COL4A6: variants seen among roughly 807,000 people sequenced by gnomAD.
COL4A6 encodes the protein collagen type IV alpha 6 chain.
Under a neutral mutation model 126.7 loss-of-function variants are expected in COL4A6, and 59 were observed. That is an observed-to-expected ratio of 0.47 (90% CI 0.38 to 0.58). The LOEUF (loss-of-function observed/expected upper bound fraction) is 0.58, where lower values mean the gene tolerates loss of function less well. Among genes scored for constraint, COL4A6 ranks in the 20% least tolerant of loss-of-function variants. The pLI is 0.00. For synonymous variants in COL4A6, 547 were observed against 496.6 expected, an observed-to-expected ratio of 1.10 and a Z score of -1.35; for missense variants, 1,285 against 1,337.3, an observed-to-expected ratio of 0.96 and a Z score of 0.61.
At position 108,193,748 on chromosome X, in the gene COL4A6, C is replaced by G. The variant is rs751664921; in HGVS notation, c.1003-51G>C. On this transcript the variant is annotated intron_variant, in intron 16 of 44. Coordinates refer to ENST00000334504, the MANE Select transcript of COL4A6 (RefSeq NM_033641.4). ...CAAATATTTCCATTTCCTTATTACC[C>G]AAGATCTATGTGCCATTAAAGCCCA... The G allele has an allele frequency of 9.6e-6, 10 of 1,036,531 alleles. No individual in the cohort carries two copies. The East Asian group carries it at 3.1e-4, about 32-fold the overall frequency. 85.4% of individuals were successfully genotyped at this position (1,036,531 alleles called of 1,213,427 possible).
chrX:108,305,192 G>A (rs770587073), intron 3 of COL4A6, among the ~76,000 whole-genome samples: 4 of 112,297 alleles, frequency 3.6e-5, no homozygotes, highest in Non-Finnish European at 5.6e-5. Flanking sequence ...ATAGAAGCAA[G>A]TCAACAGAGA....
chrX:108,381,227 T>C (rs1381164960), intron 2 of COL4A6, among the ~76,000 whole-genome samples: 3 of 111,567 alleles, frequency 2.7e-5, no homozygotes, highest in Non-Finnish European at 3.8e-5. Context: ...CCAAAAGGGA[T>C]AGTCAGGTAA....
At chrX:108,175,855 G>T (rs954385436) in intron 28 of COL4A6, 58 bp from the exon 29 acceptor site, 27 of 1,021,971 alleles carry the variant, frequency 2.6e-5, no homozygotes, top group Non-Finnish European at 3.2e-5. Context: ...GGAAATGGAG[G>T]CTCAGGGAGG....
intron 2 of COL4A6, among the ~76,000 whole-genome samples, chrX:108,419,211 C>T (rs757755419): frequency 8.9e-6 from 1 of 112,081 alleles, no homozygotes; most frequent in Admixed American, 9.5e-5. Context: ...AATTTTAATC[C>T]TGGAACATTG....
At chrX:108,308,820 C>A (rs2038689070) in intron 3 of COL4A6, among the ~76,000 whole-genome samples, 1 of 111,794 alleles carries the variant, frequency 8.9e-6, no homozygotes, top group Non-Finnish European at 1.9e-5. Flanking sequence ...AGTATCTATG[C>A]TAGAGATGTA....
At chrX:108,381,163 C>A (rs1215048884) in intron 2 of COL4A6, among the ~76,000 whole-genome samples, 1 of 111,379 alleles carries the variant, frequency 9.0e-6, no homozygotes, top group Non-Finnish European at 1.9e-5. Flanking sequence ...TTGTCTTAGC[C>A]CCCAATTCCT....
Position 108,188,037 on chromosome X carries a change from A to C in COL4A6, c.1588-10T>G. 1 of 1,179,448 alleles carries C rather than the reference A, an allele frequency of 8.5e-7. No homozygotes were observed. The highest frequency in any genetic ancestry group is 3.0e-5 in the East Asian group (1 of 33,352). ...GAGGCCCAACTAAGCCCTGACAAAG[A>C]AAAGAGAGAAGAGGGAGTAGTCAGA... On this transcript the variant is annotated splice_polypyrimidine_tract_variant and intron_variant, in intron 21 of 44. Coordinates refer to ENST00000334504, the MANE Select transcript of COL4A6 (RefSeq NM_033641.4).
chrX:108,351,791 G>A (rs1320861788), intron 2 of COL4A6, among the ~76,000 whole-genome samples: 6 of 111,150 alleles, frequency 5.4e-5, no homozygotes, highest in East Asian at 5.6e-4. Context: ...AAAAAACATC[G>A]AAGCTGTATC....
At position 108,295,555 on chromosome X, in the gene COL4A6, G is replaced by A. The variant is rs140624615; in HGVS notation, c.144+15193C>T. Among the ~76,000 whole-genome samples the A allele has an allele frequency of 6.0e-3, 680 of 112,568 alleles. 3 individuals are homozygous for A. Among genetic ancestry groups the A allele is most frequent in the Non-Finnish European group, 9.5e-3 (506 of 53,302 alleles). The stretch of plus-strand genomic sequence containing the variant: ...TAATTCCTTTTGAGGTTAATGGTTT[G>A]GGTTTTGTGGATCAAACATTTTTCT... On this transcript the variant is annotated intron_variant, in intron 3 of 44. Transcript: ENST00000334504.
rs752158137 is a variant in COL4A6, at chrX:108,190,396, T to C, written c.1422A>G (p.Ile474Met). ...AACTCAAGGGGACAAAATCACCTTT[T>C]ATTCCTTTGAGGCCTAGGTTTCCTT... Reference protein sequence around the residue: ...GPKGNLGLKGIKGDSGFCACD... With the variant: ...GPKGNLGLKGMKGDSGFCACD... The change falls in exon 20 of 45, where the codon ATA becomes ATG. Residue 474 changes from isoleucine to methionine, a missense_variant. By Grantham distance (10) the Ile-to-Met change is conservative. Coordinates refer to ENST00000334504, the MANE Select transcript of COL4A6 (RefSeq NM_033641.4). 8.4e-7 allele frequency: 1 copy of C among 1,193,994 alleles called. No homozygotes were observed. Among genetic ancestry groups the C allele is most frequent in the South Asian group, 1.8e-5 (1 of 55,764 alleles).
chrX:108,286,162 C>A (rs2038001160), intron 3 of COL4A6, among the ~76,000 whole-genome samples: 1 of 112,232 alleles, frequency 8.9e-6, no homozygotes, highest in African/African-American at 3.2e-5. Context: ...CTTGGTGTCA[C>A]TGATTTGGAA....
At chrX:108,367,253 G>A (rs746052608) in intron 2 of COL4A6, among the ~76,000 whole-genome samples, 4 of 112,140 alleles carry the variant, frequency 3.6e-5, no homozygotes, top group Non-Finnish European at 7.5e-5. Context: ...ATCTGATAAT[G>A]AGATGATGAA....
At chrX:108,207,302 G>T (rs1438602493) in intron 8 of COL4A6, among the ~76,000 whole-genome samples, 1 of 64,645 alleles carries the variant, frequency 1.5e-5, no homozygotes, top group Non-Finnish European at 2.8e-5. Context: ...ACAGGGAGGG[G>T]AACAACACAC....
intron 26 of COL4A6, 64 bp from the exon 27 acceptor site, chrX:108,178,909 C>A: frequency 9.0e-7 from 1 of 1,113,386 alleles, no homozygotes; most frequent in Non-Finnish European, 1.2e-6. Context: ...GTCAGCAAAC[C>A]AACTTCCAGG....
intron 3 of COL4A6, among the ~76,000 whole-genome samples, chrX:108,280,638 A>C (rs2037783940): frequency 8.9e-6 from 1 of 112,007 alleles, no homozygotes; most frequent in South Asian, 3.8e-4. Flanking sequence ...TCCCTAACTC[A>C]TTTTATGAGG....
chrX:108,186,349 C>T (rs1215455741), intron 23 of COL4A6, among the ~76,000 whole-genome samples: 3 of 110,967 alleles, frequency 2.7e-5, no homozygotes, highest in African/African-American at 9.8e-5. Context: ...AGTTTAGTAG[C>T]AATAAGAGAA....
chrX:108,224,585 A>G (rs1254715719), intron 3 of COL4A6, among the ~76,000 whole-genome samples: 1 of 111,360 alleles, frequency 9.0e-6, no homozygotes, highest in Non-Finnish European at 1.9e-5. Flanking sequence ...ATATGAGACA[A>G]AAAGCCTTCC....
intron 2 of COL4A6, among the ~76,000 whole-genome samples, chrX:108,372,041 T>C (rs2040341400): frequency 9.0e-6 from 1 of 111,015 alleles, no homozygotes. Flanking sequence ...CTTAAACCCC[T>C]ACCTGTAAAC....
At chrX:108,402,118 A>C (rs920009492) in intron 2 of COL4A6, among the ~76,000 whole-genome samples, 1 of 110,664 alleles carries the variant, frequency 9.0e-6, no homozygotes, top group Non-Finnish European at 1.9e-5. Context: ...AGTTATACTG[A>C]TCTCATGGAA....
Sources: gnomAD v4.1 joint callset for allele counts (sites outside exome capture counted in the v4.1 genomes callset) on GRCh38, gnomAD v4.1.1 for gene constraint, MANE v1.5 for transcripts, NCBI Gene and HGNC (gene_info 2026-07-23, HGNC 2026-07-21) for gene names.